The following TAF1A variants were observed in gnomAD, a reference collection of about 807,000 sequenced individuals.
TAF1A encodes the protein TATA box-binding protein-associated factor RNA polymerase I subunit A.
Under a neutral mutation model 61.6 loss-of-function variants are expected in TAF1A, and 42 were observed. The ratio of observed to expected loss-of-function variants is 0.68; its 90% CI spans 0.53 to 0.88. The LOEUF (loss-of-function observed/expected upper bound fraction) is 0.88. TAF1A is among the 40% of genes least tolerant of loss of function. The pLI is 0.00. For synonymous variants in TAF1A, 179 were observed against 177.7 expected (o/e 1.01, Z -0.06); for missense variants, 424 against 518.7 (o/e 0.82, Z 1.77).
At chr1:222,579,178 C>T (rs1660689929) in intron 4 of TAF1A, among the ~76,000 whole-genome samples, 1 of 152,174 alleles carries the variant, frequency 6.6e-6, no homozygotes, top group Non-Finnish European at 1.5e-5. Context: ...ATCGTAAGAG[C>T]ATCTGGCACA....
At chr1:222,571,122 C>A (rs1660332236) in intron 5 of TAF1A, among the ~76,000 whole-genome samples, 2 of 152,064 alleles carry the variant, frequency 1.3e-5, no homozygotes, top group South Asian at 4.1e-4. Flanking sequence ...CAAAAGAATA[C>A]AGGACCAAAA....
intron 6 of TAF1A, among the ~76,000 whole-genome samples, chr1:222,570,056 C>T (rs1470404505): frequency 6.6e-6 from 1 of 152,140 alleles, no homozygotes; most frequent in African/African-American, 2.4e-5. Flanking sequence ...ATCAACTTGC[C>T]ACTCATTAAC....
chr1:222,559,915 A>T (rs567284248), intron 10 of TAF1A, among the ~76,000 whole-genome samples: 53 of 152,332 alleles, frequency 3.5e-4, no homozygotes, highest in African/African-American at 1.1e-3. Flanking sequence ...AAAACAAAAT[A>T]CTTTGCACAC....
intron 7 of TAF1A, among the ~76,000 whole-genome samples, chr1:222,568,498 T>C (rs993319341): frequency 2.6e-5 from 4 of 152,000 alleles, no homozygotes; most frequent in African/African-American, 9.7e-5. Flanking sequence ...GGATGGCCAA[T>C]AGACATACTA....
intron 3 of TAF1A, 56 bp downstream of exon 3, chr1:222,584,072 A>G (rs1558154105): frequency 1.3e-6 from 2 of 1,563,290 alleles, no homozygotes; most frequent in Non-Finnish European, 1.7e-6. Context: ...GTGAAGCTGT[A>G]GGCATAAACT....
intron 7 of TAF1A, among the ~76,000 whole-genome samples, chr1:222,567,818 A>G (rs1455391228): frequency 6.6e-6 from 1 of 152,186 alleles, no homozygotes; most frequent in African/African-American, 2.4e-5. Flanking sequence ...TGATTCCAAG[A>G]CTTGCTACAA....
intron 3 of TAF1A, among the ~76,000 whole-genome samples, chr1:222,582,370 G>A (rs1390325077): frequency 6.6e-6 from 1 of 152,174 alleles, no homozygotes; most frequent in Non-Finnish European, 1.5e-5. Flanking sequence ...AGTCATTAGA[G>A]AAATGCAAAT....
intron 3 of TAF1A, among the ~76,000 whole-genome samples, chr1:222,581,970 A>C (rs1156549536): frequency 6.6e-6 from 1 of 152,240 alleles, no homozygotes; most frequent in Non-Finnish European, 1.5e-5. Context: ...GGATAGGACC[A>C]AAGGCTAAAC....
At chr1:222,557,687 C>T (rs773645920), downstream of TAF1A, among the ~76,000 whole-genome samples, 7 of 151,804 alleles carry the variant, frequency 4.6e-5, no homozygotes, top group Non-Finnish European at 8.8e-5. Context: ...AATCTCTTGA[C>T]CTCATGATCT....
chr1:222,569,261 A>C, intron 7 of TAF1A: 5 of 1,387,862 alleles, frequency 3.6e-6, no homozygotes, highest in Non-Finnish European at 4.7e-6. Flanking sequence ...ATATCAGTGC[A>C]GAGTATTCCA....
chr1:222,583,893 C>T (rs1288315372), intron 3 of TAF1A, among the ~76,000 whole-genome samples: 1 of 150,554 alleles, frequency 6.6e-6, no homozygotes, highest in Non-Finnish European at 1.5e-5. Flanking sequence ...TGGGAAACAT[C>T]CATAAAGAGG....
intron 4 of TAF1A, among the ~76,000 whole-genome samples, chr1:222,578,227 G>A (rs1445478988): frequency 1.3e-5 from 2 of 152,126 alleles, no homozygotes; most frequent in Non-Finnish European, 2.9e-5. Context: ...CAAAGAATGA[G>A]TATTACAAAA....
intron 9 of TAF1A, among the ~76,000 whole-genome samples, chr1:222,562,859 A>G (rs1263413774): frequency 2.0e-5 from 3 of 152,176 alleles, no homozygotes; most frequent in African/African-American, 7.2e-5. Context: ...ACAAATCACA[A>G]AGAGTCTTTA....
chr1:222,587,117 CTG>C (rs1229887640), intron 2 of TAF1A, among the ~76,000 whole-genome samples: 1 of 152,188 alleles, frequency 6.6e-6, no homozygotes, highest in African/African-American at 2.4e-5. Context: ...AGCACTACCT[CTG>C]AAGTATCATT....
In TAF1A at chr1:222,584,207, T is replaced by A; in HGVS notation, c.212A>T (p.Gln71Leu). Residue 71 changes from glutamine (Q) to leucine (L), a missense_variant, in exon 3 of 11, where the codon CAG (glutamine) becomes CTG (leucine). By Grantham distance (113) the Gln-to-Leu change is moderately radical (BLOSUM62 -2). Transcript: ENST00000352967. ...ACTGTACATGTATTCTGCAGCTTGCTGCCATTGGTGCTTCAGCAGAGCTTC... is the reference window on the plus strand; with the variant it reads ...ACTGTACATGTATTCTGCAGCTTGCAGCCATTGGTGCTTCAGCAGAGCTTC... Reference protein sequence around the residue: ...IQEALLKHQWQQAAEYMYSYF... With the variant: ...IQEALLKHQWLQAAEYMYSYF... The A allele has an allele frequency of 6.2e-7, 1 of 1,613,228 alleles. No individual in the cohort carries two copies. Among genetic ancestry groups the A allele is most frequent in the Non-Finnish European group, 8.5e-7 (1 of 1,179,758 alleles).
intron 10 of TAF1A, among the ~76,000 whole-genome samples, chr1:222,559,239 C>A (rs891859321): frequency 2.6e-5 from 4 of 152,156 alleles, no homozygotes; most frequent in Non-Finnish European, 5.9e-5. Context: ...TAAGAAAGTT[C>A]TCTGTAGAAA....
At position 222,588,455 on chromosome 1, in the gene TAF1A, C is replaced by T. The variant is rs201085576; in HGVS notation, c.109G>A (p.Val37Ile). The change falls in exon 2 of 11, where the codon GTA (valine) becomes ATA (isoleucine). Residue 37 changes from valine to isoleucine, a missense_variant. By Grantham distance (29) the Val-to-Ile change is conservative (BLOSUM62 3). Coordinates refer to ENST00000352967, the MANE Select transcript of TAF1A (RefSeq NM_005681.4). The stretch of plus-strand genomic sequence containing the variant: ...TTATTTTACTTACCCACAGTTTCTA[C>T]GTATGTTTGAAGCCAAGGAAAATGC... Reference protein sequence around the residue: ...GMHFPWLQTYVETVAIGGKRR... With the variant: ...GMHFPWLQTYIETVAIGGKRR... 5 of 1,613,192 alleles carry T rather than the reference C, an allele frequency of 3.1e-6. No homozygotes were observed. The highest frequency in any genetic ancestry group is 1.1e-5 in the South Asian group (1 of 90,798).
chr1:222,572,994 C>T (rs1051517820), intron 5 of TAF1A, among the ~76,000 whole-genome samples: 4 of 152,184 alleles, frequency 2.6e-5, no homozygotes, highest in African/African-American at 9.6e-5. Context: ...GAAGGCCAGG[C>T]ACAGTGGCTC....
At chr1:222,584,922 C>A (rs984993921) in intron 2 of TAF1A, among the ~76,000 whole-genome samples, 48 of 152,166 alleles carry the variant, frequency 3.2e-4, no homozygotes, top group Admixed American at 2.8e-3. Flanking sequence ...CCCCTCTAGT[C>A]CAGCTGGGTA....
Sources: gnomAD v4.1 joint callset for allele counts (sites outside exome capture counted in the v4.1 genomes callset) on GRCh38, gnomAD v4.1.1 for gene constraint, MANE v1.5 for transcripts, NCBI Gene and HGNC (gene_info 2026-07-23, HGNC 2026-07-21) for gene names.